FSTL5: variants seen among roughly 807,000 people sequenced by gnomAD.
FSTL5 encodes follistatin like 5.
In FSTL5, 62 loss-of-function variants were observed where a neutral mutation model predicts 89.1. That is an observed-to-expected ratio of 0.70 (90% CI 0.57 to 0.86). The LOEUF is 0.86. Ranked by LOEUF, FSTL5 falls within the 40% of genes least tolerant of loss-of-function variation. FSTL5 has a pLI of 0.00. For missense variants in FSTL5, 1,057 were observed against 1,001.6 expected (o/e 1.06, Z -0.75); for synonymous variants, 383 against 346.2 (o/e 1.11, Z -1.18).
intron 13 of FSTL5, among the ~76,000 whole-genome samples, chr4:161,469,541 T>C (rs1046675424): frequency 7.9e-5 from 12 of 152,204 alleles, no homozygotes; most frequent in African/African-American, 2.9e-4. Flanking sequence ...ATTTCCCTAA[T>C]GATTACTTAT....
At position 161,771,798 on chromosome 4, in the gene FSTL5, C is replaced by T. The variant is rs116841665; in HGVS notation, c.606+4080G>A. Among the ~76,000 whole-genome samples, 19 of 152,270 alleles carry T rather than the reference C, an allele frequency of 1.2e-4. 1 individual carries two copies. In the East Asian group the frequency reaches 2.9e-3, roughly 23 times the overall value. Reference sequence around the variant, plus strand: ...AATTTCAGCTGGGCACCGTGGCTCACGCCTGTGATCCTCACACTTTGGGAG... The same window carrying T: ...AATTTCAGCTGGGCACCGTGGCTCATGCCTGTGATCCTCACACTTTGGGAG... On this transcript the variant is annotated intron_variant, in intron 5 of 15. Transcript: ENST00000306100.
chr4:161,970,281 T>G (rs1174252381), intron 3 of FSTL5, among the ~76,000 whole-genome samples: 1 of 152,126 alleles, frequency 6.6e-6, no homozygotes, highest in African/African-American at 2.4e-5. Flanking sequence ...ACAGGACTCA[T>G]TCTATATTTA....
intron 2 of FSTL5, among the ~76,000 whole-genome samples, chr4:162,104,606 C>T (rs531966337): frequency 6.6e-6 from 1 of 152,286 alleles, no homozygotes; most frequent in East Asian, 1.9e-4. Flanking sequence ...ACTAGTGTAA[C>T]CTGCATTGCC....
intron 7 of FSTL5, among the ~76,000 whole-genome samples, chr4:161,636,446 G>GTTTTTTTTT (rs796867744): frequency 5.5e-5 from 6 of 109,760 alleles, no homozygotes; most frequent in Admixed American, 9.7e-5. Context: ...TCTGGCAGTT[G>GTTTTTTTTT]TTTTTTTTTT....
intron 7 of FSTL5, among the ~76,000 whole-genome samples, chr4:161,637,735 G>T (rs192760891): frequency 0.014 from 1,590 of 113,550 alleles, 9 homozygotes; most frequent in African/African-American, 0.059. Context: ...TTTCCCCATT[G>T]CTTGTTTTTC....
In FSTL5 at chr4:161,811,688, G is replaced by A. The variant is rs181858893; in HGVS notation, c.410-35614C>T. ...ATATGTAATTAATCTTGGCTAAATC[G>A]ATCAAACCATCAAAAACACAATACT... On this transcript the variant is annotated intron_variant, in intron 4 of 15. Coordinates refer to ENST00000306100, the MANE Select transcript of FSTL5 (RefSeq NM_020116.5). Among the ~76,000 whole-genome samples the A allele has an allele frequency of 1.9e-3, 296 of 151,828 alleles. 1 individual carries two copies. The highest frequency in any genetic ancestry group is 4.0e-3 in the African/African-American group (166 of 41,394).
chr4:162,115,273 C>A (rs1731591750), intron 1 of FSTL5, among the ~76,000 whole-genome samples: 1 of 152,144 alleles, frequency 6.6e-6, no homozygotes, highest in African/African-American at 2.4e-5. Context: ...AAAAATGGCT[C>A]TTCTCAATGT....
intron 15 of FSTL5, chr4:161,387,275 T>C (rs1730679771): frequency 6.6e-6 from 1 of 152,028 alleles, no homozygotes. Context: ...AAGTAGATAT[T>C]GGCCAATAGA....
chr4:162,119,226 C>G (rs1731763638), intron 1 of FSTL5, among the ~76,000 whole-genome samples: 1 of 136,830 alleles, frequency 7.3e-6, no homozygotes, highest in Non-Finnish European at 1.6e-5. Context: ...GATCCTATCT[C>G]TCTTAAAAAA....
At position 161,913,279 on chromosome 4, in the gene FSTL5, C is replaced by T. The variant is rs181899519; in HGVS notation, c.409+7125G>A. On this transcript the variant is annotated intron_variant, in intron 4 of 15. Coordinates refer to ENST00000306100, the MANE Select transcript of FSTL5 (RefSeq NM_020116.5). ...CCATGCCAGAGACCTTCATGGCAGC[C>T]GCTTCCATCACAGGCCCGGAGGCCC... is the stretch of plus-strand genomic sequence containing the variant. Among the ~76,000 whole-genome samples, 34 of 152,246 alleles carry T rather than the reference C, an allele frequency of 2.2e-4. 1 individual carries two copies. In the East Asian group the frequency reaches 3.5e-3, roughly 16 times the overall value.
chr4:161,707,606 C>A (rs1195014968), intron 6 of FSTL5, among the ~76,000 whole-genome samples: 1 of 151,744 alleles, frequency 6.6e-6, no homozygotes, highest in Admixed American at 6.6e-5. Flanking sequence ...ATTTTTCTTC[C>A]AATTTTTTCA....
intron 2 of FSTL5, among the ~76,000 whole-genome samples, chr4:162,106,100 A>G (rs184484167): frequency 6.6e-6 from 1 of 152,356 alleles, no homozygotes; most frequent in Non-Finnish European, 1.5e-5. Context: ...ATTATACTGT[A>G]CTATCATAAA....
intron 8 of FSTL5, among the ~76,000 whole-genome samples, chr4:161,579,731 C>CAAAAAAAA (rs33926609): frequency 2.0e-5 from 2 of 98,834 alleles, no homozygotes. Context: ...CAAAAACAAA[C>CAAAAAAAA]AAAAAAAAAA....
In FSTL5 at chr4:162,089,656, A is replaced by AAAAAAAAG. The variant is rs1561012753; in HGVS notation, c.126+21614_126+21615insCTTTTTTT. Among the ~76,000 whole-genome samples, 9 of 136,416 alleles carry AAAAAAAAG rather than the reference A, an allele frequency of 6.6e-5. 1 individual carries two copies. The highest frequency in any genetic ancestry group is 9.4e-5 in the Non-Finnish European group (6 of 63,738). The allele number at this position is 136,416 out of a possible 152,430, so 89.5% of individuals were successfully genotyped here. ...TCAAAAAAAAAAAAAAAAAAGAAAA[A>AAAAAAAAG]AAAGAAAGAAAGAAATTGGGTTAAT... On this transcript the variant is annotated intron_variant, in intron 2 of 15. Coordinates refer to ENST00000306100, the MANE Select transcript of FSTL5 (RefSeq NM_020116.5).
chr4:161,515,811 A>C, intron 10 of FSTL5, among the ~76,000 whole-genome samples: 1 of 151,262 alleles, frequency 6.6e-6, no homozygotes, highest in Admixed American at 6.6e-5. Flanking sequence ...GTGTATGTGT[A>C]TGTGTGTGGT....
At chr4:161,621,975 A>G (rs10857340) in intron 7 of FSTL5, among the ~76,000 whole-genome samples, 102,527 of 151,518 alleles carry the variant, frequency 0.68, 35,136 homozygotes, top group African/African-American at 0.77. Context: ...CCAGCCTGGC[A>G]ACAAGCACGA....
intron 4 of FSTL5, among the ~76,000 whole-genome samples, chr4:161,786,803 C>G (rs140342225): frequency 4.7e-4 from 71 of 152,218 alleles, no homozygotes; most frequent in Non-Finnish European, 7.4e-4. Context: ...TATACAAATA[C>G]TATGTATTAA....
At chr4:161,947,285 G>T (rs998307665) in intron 3 of FSTL5, among the ~76,000 whole-genome samples, 1 of 150,806 alleles carries the variant, frequency 6.6e-6, no homozygotes, top group Non-Finnish European at 1.5e-5. Context: ...TATTGATGTT[G>T]CTTTTTGTGT....
chr4:161,882,352 C>T (rs1732660125), intron 4 of FSTL5, among the ~76,000 whole-genome samples: 1 of 152,010 alleles, frequency 6.6e-6, no homozygotes, highest in Admixed American at 6.6e-5. Flanking sequence ...ACTTGAAAAC[C>T]ACAAATCCTC....
Sources: gnomAD v4.1 joint callset for allele counts (sites outside exome capture counted in the v4.1 genomes callset) on GRCh38, gnomAD v4.1.1 for gene constraint, MANE v1.5 for transcripts, NCBI Gene and HGNC (gene_info 2026-07-23, HGNC 2026-07-21) for gene names.